Variants in VPS13A observed in about 807,000 individuals in gnomAD.
VPS13A encodes the protein intermembrane lipid transfer protein VPS13A.
VPS13A carries 264 observed loss-of-function variants against 390.9 expected under a neutral mutation model. The ratio of observed to expected loss-of-function variants is 0.68; its 90% CI spans 0.61 to 0.75. VPS13A has a LOEUF of 0.75. Ranked by LOEUF, VPS13A falls within the 30% of genes least tolerant of loss-of-function variation. VPS13A has a pLI of 0.00. For missense variants in VPS13A, 3,409 were observed against 3,733.9 expected (o/e 0.91, Z 2.27); for synonymous variants, 1,231 against 1,227.1 (o/e 1.00, Z -0.07).
At position 77,329,183 on chromosome 9, in the gene VPS13A, G is replaced by A. The variant is rs547160706; in HGVS notation, c.5992-2827G>A. 5.0e-4 allele frequency among the ~76,000 whole-genome samples: 76 copies of A among 152,266 alleles called. 1 individual carries two copies. Among genetic ancestry groups the A allele is most frequent in the Admixed American group, 1.1e-3 (17 of 15,296 alleles). On this transcript the variant is annotated intron_variant, in intron 45 of 71. Coordinates refer to ENST00000360280, the MANE Select transcript of VPS13A (RefSeq NM_033305.3). ...TTTGGGTGGGGGACCTAGCCAAACT[G>A]TATCATATCCAGACCACTAGAGTAT...
Position 77,316,196 on chromosome 9 carries a change from G to T in VPS13A, c.4653G>T (p.Lys1551Asn). Reference sequence around the variant, plus strand: ...TAGTACCTACACAGGAATCAGTGAAGTGGGAAATTAATGTTATTATTAAAA... The same window carrying T: ...TAGTACCTACACAGGAATCAGTGAATTGGGAAATTAATGTTATTATTAAAA... Reference protein sequence around the residue: ...KEEVPTQESVKWEINVIIKNP... With the variant: ...KEEVPTQESVNWEINVIIKNP... The change falls in exon 39 of 72, where the codon AAG becomes AAT. Residue 1551 changes from lysine (K) to asparagine (N), a missense_variant. Coordinates refer to ENST00000360280, the MANE Select transcript of VPS13A (RefSeq NM_033305.3). 1.9e-6 allele frequency: 3 copies of T among 1,611,612 alleles called. No homozygotes were observed. Among genetic ancestry groups the T allele is most frequent in the Non-Finnish European group, 2.5e-6 (3 of 1,178,290 alleles).
At chr9:77,245,552 T>C (rs976436289) in intron 19 of VPS13A, among the ~76,000 whole-genome samples, 2 of 152,218 alleles carry the variant, frequency 1.3e-5, no homozygotes, top group African/African-American at 4.8e-5. Context: ...CAGTCTGTTT[T>C]CAAACCTCTA....
intron 33 of VPS13A, among the ~76,000 whole-genome samples, chr9:77,296,791 G>A (rs140512074): frequency 1.7e-4 from 26 of 152,272 alleles, no homozygotes; most frequent in Admixed American, 7.2e-4. Context: ...TCTCGTCTTA[G>A]AGTTTGCTTG....
chr9:77,227,562 G>T, intron 16 of VPS13A, 77 bp downstream of exon 16: 1 of 1,184,398 alleles, frequency 8.4e-7, no homozygotes, highest in South Asian at 1.3e-5. Context: ...TCACTCTGTT[G>T]CCCAGGCTGG....
At chr9:77,319,927 A>G (rs1406864239) in intron 42 of VPS13A, among the ~76,000 whole-genome samples, 3 of 150,360 alleles carry the variant, frequency 2.0e-5, no homozygotes, top group East Asian at 3.9e-4. Flanking sequence ...TTTAATCACA[A>G]CAAGGTTCAG....
chr9:77,264,074 T>C (rs1355328342), intron 23 of VPS13A, among the ~76,000 whole-genome samples: 1 of 152,176 alleles, frequency 6.6e-6, no homozygotes, highest in Non-Finnish European at 1.5e-5. Context: ...TGCTTGTTTT[T>C]GTCAGATTTG....
rs55864657 is a variant in VPS13A, at chr9:77,343,259, C to T, written c.7027-894C>T. Among the ~76,000 whole-genome samples, 1,117 of 152,252 alleles carry T rather than the reference C, an allele frequency of 7.3e-3. 6 individuals carry two copies. Among genetic ancestry groups the T allele is most frequent in the Non-Finnish European group, 0.012 (784 of 68,002 alleles). On this transcript the variant is annotated intron_variant, in intron 50 of 71. Transcript: ENST00000360280. ...TTAAGACTGCAGTGCCCTGGCTGTG[C>T]GCAAAGTCAGGTTATATTCCTAAGC...
In VPS13A at chr9:77,275,591, TA is replaced by T. The variant is rs1311160698; in HGVS notation, c.2607del (p.Leu869PhefsTer8). 93 of 1,613,672 alleles carry T rather than the reference TA, an allele frequency of 5.8e-5. No homozygotes were observed. The highest frequency in any genetic ancestry group is 7.6e-5 in the Non-Finnish European group (90 of 1,179,800). ...TGVKSIRTRK[L>X]QKQDCSVNMT... ...GTTAAAAGTATTCGAACCAGAAAGT[TA>T]CAAAAGCAGGATTGTTCAGTAAATA... is the stretch of plus-strand genomic sequence containing the variant. On this transcript the variant is annotated frameshift_variant, in exon 25 of 72. Coordinates refer to ENST00000360280, the MANE Select transcript of VPS13A (RefSeq NM_033305.3). LOFTEE classifies it high-confidence loss of function.
intron 33 of VPS13A, among the ~76,000 whole-genome samples, chr9:77,300,626 T>C (rs933934987): frequency 4.6e-5 from 7 of 152,138 alleles, no homozygotes; most frequent in African/African-American, 1.4e-4. Context: ...CAGATACTTA[T>C]GGGACTGAGG....
At chr9:77,298,707 C>G (rs760157703) in intron 33 of VPS13A, among the ~76,000 whole-genome samples, 1 of 152,034 alleles carries the variant, frequency 6.6e-6, no homozygotes, top group Non-Finnish European at 1.5e-5. Context: ...ATGTCCCCAC[C>G]CAAATCTCAT....
At chr9:77,201,097 GATTTGAT>G in intron 2 of VPS13A, among the ~76,000 whole-genome samples, 1 of 152,180 alleles carries the variant, frequency 6.6e-6, no homozygotes, top group East Asian at 1.9e-4. Context: ...AATTGGTAAT[GATTTGAT>G]ATGAGTAGAT....
Position 77,256,644 on chromosome 9 carries a change from C to T in VPS13A, c.2289-3442C>T, listed in dbSNP as rs1825462678. On this transcript the variant is annotated intron_variant, in intron 22 of 71. Coordinates refer to ENST00000360280, the MANE Select transcript of VPS13A (RefSeq NM_033305.3). ...TTTCTTCTTCTTAATTGTGTCAGTG[C>T]TTGCTTTATATATTTTTGAACTCTG... is the stretch of plus-strand genomic sequence containing the variant. Among the ~76,000 whole-genome samples, 3 of 151,816 alleles carry T rather than the reference C, an allele frequency of 2.0e-5. 1 individual carries two copies. In the South Asian group the frequency reaches 6.2e-4, roughly 32 times the overall value.
Position 77,321,477 on chromosome 9 carries a change from CTCTT to C in VPS13A, c.5575-9_5575-6del, listed in dbSNP as rs772981808. 7.4e-6 allele frequency: 12 copies of C among 1,612,844 alleles called. No individual in the cohort carries two copies. The highest frequency in any genetic ancestry group is 3.3e-5 in the South Asian group (3 of 91,032). On this transcript the variant is annotated splice_polypyrimidine_tract_variant and intron_variant, in intron 43 of 71. Coordinates refer to ENST00000360280, the MANE Select transcript of VPS13A (RefSeq NM_033305.3). ...ACACATTTCATTTTATTTAGCATAA[CTCTT>C]TCTTATTAGGCATTTACAGAAGCTG...
intron 52 of VPS13A, among the ~76,000 whole-genome samples, chr9:77,348,099 T>A (rs1308137266): frequency 3.9e-5 from 6 of 152,168 alleles, no homozygotes; most frequent in Admixed American, 2.0e-4. Context: ...AAAATACCAT[T>A]TGACCCAGCA....
Position 77,412,646 on chromosome 9 carries a change from C to A in VPS13A, c.9475-3310C>A, listed in dbSNP as rs570479380. ...GACAAACCCACAGCCAATATCATAC[C>A]GAATGGGCAAAAACTGGAAGCATTC... On this transcript the variant is annotated intron_variant, in intron 71 of 71. Transcript: ENST00000360280. Among the ~76,000 whole-genome samples, 58 of 151,998 alleles carry A rather than the reference C, an allele frequency of 3.8e-4. 1 individual carries two copies. The East Asian group carries it at 0.011, about 29-fold the overall frequency.
intron 22 of VPS13A, among the ~76,000 whole-genome samples, chr9:77,255,314 A>G (rs1329968304): frequency 6.6e-6 from 1 of 152,052 alleles, no homozygotes; most frequent in African/African-American, 2.4e-5. Flanking sequence ...TGTTACCTTA[A>G]TTGCTCTCTA....
intron 5 of VPS13A, among the ~76,000 whole-genome samples, chr9:77,207,133 A>AC (rs1825679662): frequency 6.9e-6 from 1 of 144,550 alleles, no homozygotes; most frequent in Admixed American, 7.0e-5. Context: ...AAAAAAAAAA[A>AC]CCAACTGTTC....
intron 68 of VPS13A, chr9:77,382,595 A>G: frequency 5.5e-6 from 6 of 1,083,552 alleles, no homozygotes; most frequent in Non-Finnish European, 6.7e-6. Flanking sequence ...TAGCTTTTAT[A>G]CCAGATATAT....
intron 41 of VPS13A, among the ~76,000 whole-genome samples, chr9:77,319,128 C>T (rs1257124374): frequency 6.8e-6 from 1 of 147,118 alleles, no homozygotes; most frequent in Non-Finnish European, 1.5e-5. Context: ...CCTGGGAAGT[C>T]GAGGCTGTGG....
Sources: allele counts gnomAD v4.1 joint callset (sites outside exome capture counted in the v4.1 genomes callset), GRCh38; gene constraint gnomAD v4.1.1; transcripts MANE v1.5; gene names NCBI Gene and HGNC (gene_info 2026-07-23, HGNC 2026-07-21).